HDAC4: variants seen among roughly 807,000 people sequenced by gnomAD.
The protein encoded by HDAC4 is histone deacetylase 4.
A neutral mutation model predicts 135.1 loss-of-function variants in HDAC4; 16 were observed. The observed-to-expected ratio is 0.12, with a 90% CI of 0.08 to 0.18. The LOEUF (loss-of-function observed/expected upper bound fraction) is 0.18. Ranked by LOEUF, HDAC4 falls within the 10% of genes least tolerant of loss-of-function variation. The pLI is 1.00. For missense variants in HDAC4, 1,143 were observed against 1,511.8 expected (o/e 0.76, Z 4.05); for synonymous variants, 685 against 653.4 (o/e 1.05, Z -0.74).
At chr2:239,176,657 C>T in intron 4 of HDAC4, 94 bp from the exon 5 acceptor site, 1 of 1,170,710 alleles carries the variant, frequency 8.5e-7, no homozygotes. Context: ...CCAGGCCCTA[C>T]ACGTCTGCCC....
intron 2 of HDAC4, among the ~76,000 whole-genome samples, chr2:239,275,746 G>A (rs947938024): frequency 1.1e-4 from 17 of 152,106 alleles, no homozygotes; most frequent in Non-Finnish European, 4.4e-5. Flanking sequence ...AGGCTGCCAG[G>A]CACACCCATG....
At chr2:239,089,728 C>CTT (rs372528457) in intron 18 of HDAC4, 68 of 293,522 alleles carry the variant, frequency 2.3e-4, no homozygotes, top group Non-Finnish European at 2.9e-4. Flanking sequence ...CTCTTTGGAG[C>CTT]TTTTTTTTTT....
intron 16 of HDAC4, among the ~76,000 whole-genome samples, chr2:239,101,939 G>A (rs1162882426): frequency 6.6e-6 from 1 of 150,406 alleles, no homozygotes; most frequent in African/African-American, 2.5e-5. Context: ...CTGTGCCCTG[G>A]ACGCTCCCCG....
At chr2:239,260,512 C>T (rs2049295191) in intron 2 of HDAC4, among the ~76,000 whole-genome samples, 2 of 152,104 alleles carry the variant, frequency 1.3e-5, no homozygotes, top group Non-Finnish European at 2.9e-5. Flanking sequence ...TACAGAATGC[C>T]CCAAACCGGC....
chr2:239,399,795 G>C (rs996568443), intron 1 of HDAC4, among the ~76,000 whole-genome samples: 2 of 152,234 alleles, frequency 1.3e-5, no homozygotes, highest in African/African-American at 4.8e-5. Flanking sequence ...GGTCTCTACA[G>C]TCATGCAATT....
intron 1 of HDAC4, among the ~76,000 whole-genome samples, chr2:239,368,202 G>C (rs6749737): frequency 0.061 from 9,350 of 152,040 alleles, 618 homozygotes; most frequent in African/African-American, 0.16. Context: ...GAAGGGCTCC[G>C]GAGTTTGAGA....
intron 7 of HDAC4, among the ~76,000 whole-genome samples, chr2:239,147,690 G>A (rs1251949881): frequency 6.6e-6 from 1 of 152,278 alleles, no homozygotes; most frequent in African/African-American, 2.4e-5. Context: ...CACCAAGCGT[G>A]GGTGAGGGCA....
intron 2 of HDAC4, among the ~76,000 whole-genome samples, chr2:239,311,294 T>C (rs1269747818): frequency 1.3e-5 from 2 of 152,168 alleles, no homozygotes; most frequent in Non-Finnish European, 2.9e-5. Context: ...ATGCTGGTCT[T>C]GCATGGCACT....
At chr2:239,323,797 G>A (rs761393919) in intron 2 of HDAC4, among the ~76,000 whole-genome samples, 18 of 152,104 alleles carry the variant, frequency 1.2e-4, no homozygotes, top group Non-Finnish European at 2.1e-4. Flanking sequence ...CACACACCTG[G>A]GGGCCTGCAC....
chr2:239,303,456 C>T lies in HDAC4; in HGVS notation c.22+49222G>A, dbSNP rs2052386806. On this transcript the variant is annotated intron_variant, in intron 2 of 26. Transcript: ENST00000543185. The surrounding 1 kb of genome is among the most constrained non-coding windows in gnomAD (Gnocchi z 5.1). ...CCCACAGGGCATCCTGCGAGAGCGT[C>T]ACAAGCACCCCACGAACAAGACACG... 6.6e-6 allele frequency among the ~76,000 whole-genome samples: 1 copy of T among 152,138 alleles called. No homozygotes were observed. The highest frequency in any genetic ancestry group is 1.5e-5 in the Non-Finnish European group (1 of 68,032).
intron 3 of HDAC4, among the ~76,000 whole-genome samples, chr2:239,213,578 C>G (rs1159012512): frequency 6.6e-6 from 1 of 152,238 alleles, no homozygotes; most frequent in Admixed American, 6.5e-5. Context: ...GTCACACCAG[C>G]TTGTGTTTTT....
In HDAC4 at chr2:239,080,780, G is replaced by A. The variant is rs549335344; in HGVS notation, c.2750+315C>T. 17 of 363,278 alleles carry A rather than the reference G, an allele frequency of 4.7e-5. No homozygotes were observed. In the East Asian group the frequency reaches 7.0e-4, roughly 15 times the overall value. 22.5% of individuals were successfully genotyped at this position (363,278 alleles called of 1,614,324 possible). A position where few individuals can be genotyped will look rare whatever the true frequency, so the allele number is the denominator to read the frequency against. On this transcript the variant is annotated intron_variant, in intron 22 of 26. Coordinates refer to ENST00000543185, the MANE Select transcript of HDAC4 (RefSeq NM_001378414.1). ...TGAGACCCTGCAGGTCTTTGCCTTC[G>A]TTTCTCATGAACATAACACTCTGCA...
intron 2 of HDAC4, among the ~76,000 whole-genome samples, chr2:239,286,228 TTAGGAAAAGAACAAAGTAGACTTTC>T (rs2051127201): frequency 2.6e-5 from 4 of 152,168 alleles, no homozygotes. Flanking sequence ...ATTAATCATT[TTAGGAAAAGAACAAAGTAGACTTTC>T]AAAAATAATA....
rs553192561 is a variant in HDAC4, at chr2:239,323,201, A to T, written c.22+29477T>A. ...TACTGAAATATTACGGAGCTACAAAAAAATCCCATTGCTGTTCTATCGTGT... is the reference window on the plus strand; with the variant it reads ...TACTGAAATATTACGGAGCTACAAATAAATCCCATTGCTGTTCTATCGTGT... On this transcript the variant is annotated intron_variant, in intron 2 of 26. Coordinates refer to ENST00000543185, the MANE Select transcript of HDAC4 (RefSeq NM_001378414.1). 1.3e-3 allele frequency among the ~76,000 whole-genome samples: 197 copies of T among 152,336 alleles called. 1 individual carries two copies. The highest frequency in any genetic ancestry group is 4.6e-3 in the African/African-American group (190 of 41,562).
At chr2:239,157,319 T>G (rs2042488047) in intron 6 of HDAC4, among the ~76,000 whole-genome samples, 1 of 152,032 alleles carries the variant, frequency 6.6e-6, no homozygotes, top group African/African-American at 2.4e-5. Context: ...TCGTCATCCG[T>G]GCCTTCACCA....
intron 1 of HDAC4, among the ~76,000 whole-genome samples, chr2:239,394,139 T>C (rs1696411948): frequency 2.0e-5 from 3 of 152,176 alleles, no homozygotes; most frequent in African/African-American, 7.2e-5. Context: ...ATACTCCCAC[T>C]TGGAATGCTG....
intron 7 of HDAC4, among the ~76,000 whole-genome samples, chr2:239,151,972 T>G (rs1481890971): frequency 1.3e-5 from 2 of 151,258 alleles, no homozygotes; most frequent in Non-Finnish European, 3.0e-5. Context: ...GAACGAACTG[T>G]GCTGGCTGGA....
chr2:239,236,742 G>A (rs2047910163), intron 2 of HDAC4, 78 bp from the exon 3 acceptor site: 5 of 1,026,498 alleles, frequency 4.9e-6, no homozygotes, highest in Non-Finnish European at 7.5e-6. Context: ...AGTCTGCAGG[G>A]AGTAACTCCC....
chr2:239,210,449 T>A (rs982444316), intron 3 of HDAC4, among the ~76,000 whole-genome samples: 6 of 152,094 alleles, frequency 3.9e-5, no homozygotes, highest in Non-Finnish European at 8.8e-5. Context: ...GCAAAACTAG[T>A]TTTTTAAAGA....
Sources: allele counts gnomAD v4.1 joint callset (sites outside exome capture counted in the v4.1 genomes callset), GRCh38; gene constraint gnomAD v4.1.1; non-coding constraint Gnocchi (gnomAD v3.1); transcripts MANE v1.5; gene names NCBI Gene and HGNC (gene_info 2026-07-23, HGNC 2026-07-21).